Variants in ABCC5 observed in about 807,000 individuals in gnomAD.
ABCC5 encodes ATP-binding cassette sub-family C member 5.
ABCC5 carries 61 observed loss-of-function variants against 160.9 expected under a neutral mutation model. The observed-to-expected ratio is 0.38, with a 90% CI of 0.31 to 0.47. The LOEUF is 0.47. Among genes scored for constraint, ABCC5 ranks in the 20% least tolerant of loss-of-function variants. ABCC5 has a pLI of 0.99. For missense variants in ABCC5, 1,308 were observed against 1,813.3 expected, an observed-to-expected ratio of 0.72 and a Z score of 5.06; for synonymous variants, 666 against 700.6, an observed-to-expected ratio of 0.95 and a Z score of 0.78.
intron 29 of ABCC5, among the ~76,000 whole-genome samples, chr3:183,923,191 T>G (rs1252355020): frequency 1.3e-5 from 2 of 151,218 alleles, no homozygotes; most frequent in African/African-American, 4.9e-5. Context: ...TTTCCTGAAA[T>G]TACAAGGAAA....
intron 2 of ABCC5, among the ~76,000 whole-genome samples, chr3:184,002,116 TG>T (rs1720791342): frequency 6.6e-6 from 1 of 152,118 alleles, no homozygotes; most frequent in Admixed American, 6.6e-5. Flanking sequence ...GTTCAGATTC[TG>T]CCGGGTGGGG....
intron 2 of ABCC5, among the ~76,000 whole-genome samples, chr3:184,011,088 G>A (rs1360456864): frequency 6.6e-6 from 1 of 152,026 alleles, no homozygotes; most frequent in East Asian, 1.9e-4. Context: ...TTATGTCCAC[G>A]AATAGGTTTA....
At chr3:184,014,219 T>C in intron 2 of ABCC5, 45 bp downstream of exon 2, 1 of 1,567,134 alleles carries the variant, frequency 6.4e-7, no homozygotes, top group Non-Finnish European at 8.7e-7. Flanking sequence ...AAGATGTGTT[T>C]TAGTACAACA....
rs1712890124 is a variant in ABCC5 at position 183,928,964 on chromosome 3, C to A, written c.3855-139G>T. On this transcript the variant is annotated intron_variant, in intron 26 of 29. Transcript: ENST00000334444. ...TGATGGTCACAGACGGCTCATTCCA[C>A]AACCAGACAGATGGGAGCTCTGACA... is the stretch of plus-strand genomic sequence containing the variant. 4.8e-6 allele frequency: 3 copies of A among 624,504 alleles called. No individual in the cohort carries two copies. In the South Asian group the frequency reaches 6.4e-5, roughly 13 times the overall value. The allele number at this position is 624,504 out of a possible 1,614,324, so 38.7% of individuals were successfully genotyped here.
At chr3:183,945,770 G>T in intron 24 of ABCC5, 80 bp downstream of exon 24, 2 of 1,117,534 alleles carry the variant, frequency 1.8e-6, no homozygotes, top group Non-Finnish European at 1.4e-6. Flanking sequence ...CCTCCTCCTT[G>T]TACACCCAGC....
At chr3:184,009,983 A>G (rs1184371413) in intron 2 of ABCC5, 1 of 437,204 alleles carries the variant, frequency 2.3e-6, no homozygotes, top group Admixed American at 2.5e-5. Context: ...TGCCTCTACA[A>G]AAAAACAAAC....
intron 8 of ABCC5, among the ~76,000 whole-genome samples, chr3:183,980,873 C>A (rs867189890): frequency 5.9e-5 from 9 of 152,028 alleles, no homozygotes; most frequent in Non-Finnish European, 1.2e-4. Flanking sequence ...CCACCACACC[C>A]AGCTTATTTT....
chr3:183,987,709 G>A lies in ABCC5; in HGVS notation c.591+61C>T. 5 of 1,608,062 alleles carry A rather than the reference G, an allele frequency of 3.1e-6. No individual in the cohort carries two copies. Among genetic ancestry groups the A allele is most frequent in the Non-Finnish European group, 4.3e-6 (5 of 1,176,262 alleles). On this transcript the variant is annotated intron_variant, in intron 5 of 29. Coordinates refer to ENST00000334444, the MANE Select transcript of ABCC5 (RefSeq NM_005688.4). The surrounding 1 kb of genome is among the most constrained non-coding windows in gnomAD (Gnocchi z 4.2). ...GCACAACCTCTGCAACAGAATAAGAGTGTTAGAGCTGGCCGTGGCCGGGCC... is the reference window on the plus strand; with the variant it reads ...GCACAACCTCTGCAACAGAATAAGAATGTTAGAGCTGGCCGTGGCCGGGCC...
chr3:183,982,750 G>C lies in ABCC5; in HGVS notation c.825+24C>G. 7 of 1,612,530 alleles carry C rather than the reference G, an allele frequency of 4.3e-6. No homozygotes were observed. The highest frequency in any genetic ancestry group is 5.1e-6 in the Non-Finnish European group (6 of 1,178,590). ...TCAAGCTAGGAAGTTGCTCTCTGCT[G>C]TGAAGCAAACACCCCTCACTCACCT... On this transcript the variant is annotated intron_variant, in intron 6 of 29. Coordinates refer to ENST00000334444, the MANE Select transcript of ABCC5 (RefSeq NM_005688.4). This position sits in a 1 kb window ranked among gnomAD's most constrained non-coding sequence, Gnocchi z 5.2.
intron 23 of ABCC5, 77 bp downstream of exon 23, chr3:183,947,247 C>CA: frequency 7.1e-7 from 1 of 1,410,798 alleles, no homozygotes; most frequent in Middle Eastern, 2.6e-4. Flanking sequence ...TGGAGCCCCC[C>CA]ACAATCATCC....
At chr3:183,926,599 C>T (rs1451930357) in intron 28 of ABCC5, among the ~76,000 whole-genome samples, 1 of 152,058 alleles carries the variant, frequency 6.6e-6, no homozygotes, top group African/African-American at 2.4e-5. Flanking sequence ...AAATACTTGC[C>T]CCTACATGCT....
At chr3:183,981,498 G>GA (rs562583037) in intron 8 of ABCC5, among the ~76,000 whole-genome samples, 10 of 152,292 alleles carry the variant, frequency 6.6e-5, no homozygotes, top group South Asian at 6.2e-4. Flanking sequence ...TTTTAACTGG[G>GA]AAAAATCAAC....
At position 183,979,360 on chromosome 3, in the gene ABCC5, A is replaced by G. The variant is rs113735515; in HGVS notation, c.1148-709T>C. 3.2e-3 allele frequency among the ~76,000 whole-genome samples: 483 copies of G among 150,178 alleles called. 19 individuals carry two copies. In the East Asian group the frequency reaches 0.072, roughly 22 times the overall value. On this transcript the variant is annotated intron_variant, in intron 8 of 29. Coordinates refer to ENST00000334444, the MANE Select transcript of ABCC5 (RefSeq NM_005688.4). The stretch of plus-strand genomic sequence containing the variant: ...GCCTTATCTCAAAAAAAAAAAAAAA[A>G]GGGGCAGTGGGGAGGGAACTAACAT...
chr3:184,006,915 G>A (rs187660120), intron 2 of ABCC5, among the ~76,000 whole-genome samples: 2 of 151,272 alleles, frequency 1.3e-5, no homozygotes, highest in African/African-American at 2.4e-5. Context: ...TAATTTGGTA[G>A]GAAGAAAATC....
intron 10 of ABCC5, among the ~76,000 whole-genome samples, chr3:183,973,299 C>T (rs889340309): frequency 2.7e-4 from 40 of 147,060 alleles, no homozygotes; most frequent in Non-Finnish European, 5.0e-4. Flanking sequence ...GTGATCCACC[C>T]GCCTCAGCCT....
At chr3:183,997,553 C>T (rs537504380) in intron 2 of ABCC5, among the ~76,000 whole-genome samples, 15 of 152,198 alleles carry the variant, frequency 9.9e-5, no homozygotes, top group African/African-American at 1.4e-4. Flanking sequence ...CCACCACAGC[C>T]CAATGCTTCT....
rs201577338 is a variant in ABCC5, at chr3:183,963,493, G to A, written c.2127C>T (p.Asp709=). The A allele has an allele frequency of 3.3e-5, 54 of 1,614,234 alleles. No homozygotes were observed. The highest frequency in any genetic ancestry group is 2.5e-4 in the East Asian group (11 of 44,886). Residue 709 remains aspartate, a synonymous_variant, in exon 15 of 30, where the codon GAC becomes GAT. Transcript: ENST00000334444. This position sits in a 1 kb window ranked among gnomAD's most constrained non-coding sequence, Gnocchi z 4.6. ...LYSDRSIYIL[D]DPLSALDAHV... ...GGGCATCTAAGGCACTGAGGGGGTCGTCCAGGATGTAGATGCTCCTGTCAC... is the reference window on the plus strand; with the variant it reads ...GGGCATCTAAGGCACTGAGGGGGTCATCCAGGATGTAGATGCTCCTGTCAC...
chr3:183,972,152 A>G (rs1038283786), intron 10 of ABCC5: 6 of 745,634 alleles, frequency 8.0e-6, no homozygotes, highest in African/African-American at 6.9e-5. Flanking sequence ...AATATTCCAC[A>G]TGACAAATTA....
chr3:184,007,557 G>A (rs1239596478), intron 2 of ABCC5, among the ~76,000 whole-genome samples: 1 of 152,118 alleles, frequency 6.6e-6, no homozygotes, highest in East Asian at 1.9e-4. Flanking sequence ...CAGGCGCAGT[G>A]GCTCACACCT....
Sources: gnomAD v4.1 joint callset for allele counts (sites outside exome capture counted in the v4.1 genomes callset) on GRCh38, gnomAD v4.1.1 for gene constraint, Gnocchi (gnomAD v3.1) non-coding constraint, MANE v1.5 for transcripts, NCBI Gene and HGNC (gene_info 2026-07-23, HGNC 2026-07-21) for gene names.